The following RBKS variants were observed in gnomAD, a reference collection of about 807,000 sequenced individuals.
RBKS encodes the protein ribokinase.
Under a neutral mutation model 33.9 loss-of-function variants are expected in RBKS, and 33 were observed. The ratio of observed to expected loss-of-function variants is 0.97; its 90% CI spans 0.74 to 1.30. The LOEUF is 1.30. RBKS is among the 50% of genes most tolerant of loss of function. The pLI, the probability that RBKS is intolerant of heterozygous loss-of-function variation, is 0.00. For synonymous variants in RBKS, 125 were observed against 143.0 expected (o/e 0.87, Z 0.90); for missense variants, 361 against 392.6 (o/e 0.92, Z 0.68).
At chr2:27,805,764 G>A (rs997053096) in intron 7 of RBKS, among the ~76,000 whole-genome samples, 12 of 151,854 alleles carry the variant, frequency 7.9e-5, no homozygotes, top group African/African-American at 2.9e-4. Context: ...TAGTAGAGAC[G>A]GGGTTTCACC....
chr2:27,789,949 G>GTATATATATATATATATATATGTA (rs1677484796), intron 7 of RBKS, among the ~76,000 whole-genome samples: 1 of 121,512 alleles, frequency 8.2e-6, no homozygotes, highest in African/African-American at 3.3e-5. Flanking sequence ...ATGTATATGT[G>GTATATATATATATATATATATGTA]TATATATATA....
At chr2:27,782,149 T>C (rs1274702927) in intron 7 of RBKS, among the ~76,000 whole-genome samples, 1 of 151,920 alleles carries the variant, frequency 6.6e-6, no homozygotes, top group Non-Finnish European at 1.5e-5. Context: ...CATTCTTTGT[T>C]TTTGATGATT....
intron 4 of RBKS, among the ~76,000 whole-genome samples, chr2:27,846,730 C>A (rs1380679543): frequency 6.6e-6 from 1 of 152,108 alleles, no homozygotes; most frequent in East Asian, 1.9e-4. Context: ...CTTTTAGAGA[C>A]AAATGTCAAT....
At chr2:27,806,590 T>C (rs1185327518) in intron 7 of RBKS, among the ~76,000 whole-genome samples, 1 of 152,234 alleles carries the variant, frequency 6.6e-6, no homozygotes, top group Non-Finnish European at 1.5e-5. Context: ...GGCTAGGTGA[T>C]AGAACTGGAA....
At chr2:27,782,951 C>T (rs1677318152) in intron 7 of RBKS, among the ~76,000 whole-genome samples, 1 of 152,114 alleles carries the variant, frequency 6.6e-6, no homozygotes, top group African/African-American at 2.4e-5. Context: ...GGAGATTGGT[C>T]TCTTCCATTT....
In RBKS at chr2:27,867,640, C is replaced by G. The variant is rs1015949775; in HGVS notation, c.90-9069G>C. On this transcript the variant is annotated intron_variant, in intron 1 of 7. Coordinates refer to ENST00000302188, the MANE Select transcript of RBKS (RefSeq NM_022128.3). Reference sequence around the variant, plus strand: ...AAATTAAAATACTACCTAAGCTCAGCAAATCTTTTTGGATAATTATATATA... The same window carrying G: ...AAATTAAAATACTACCTAAGCTCAGGAAATCTTTTTGGATAATTATATATA... 2.0e-5 allele frequency among the ~76,000 whole-genome samples: 3 copies of G among 152,160 alleles called. No homozygotes were observed. In the South Asian group the frequency reaches 6.2e-4, roughly 32 times the overall value.
At chr2:27,848,120 A>G (rs1478862275) in intron 2 of RBKS, 23 bp from the exon 3 acceptor site, 1 of 1,337,974 alleles carries the variant, frequency 7.5e-7, no homozygotes, top group Non-Finnish European at 1.1e-6. Flanking sequence ...AATAATGAAT[A>G]TTAGATCTTT....
rs550986136 is a variant in RBKS, at chr2:27,803,048, T to G, written c.796-21260A>C. Among the ~76,000 whole-genome samples the G allele has an allele frequency of 3.9e-5, 6 of 152,316 alleles. No individual in the cohort carries two copies. The East Asian group carries it at 5.8e-4, about 15-fold the overall frequency. On this transcript the variant is annotated intron_variant, in intron 7 of 7. Coordinates refer to ENST00000302188, the MANE Select transcript of RBKS (RefSeq NM_022128.3). The stretch of plus-strand genomic sequence containing the variant: ...TCTCTCTTTGTTGCCCAGGCTGGTC[T>G]CAAACTCCTGGCCTCAAGTGATCCT...
intron 7 of RBKS, among the ~76,000 whole-genome samples, chr2:27,816,322 A>T (rs550080675): frequency 2.4e-4 from 36 of 152,344 alleles, no homozygotes; most frequent in Admixed American, 7.2e-4. Flanking sequence ...GGCATGACAG[A>T]TGTCTTGTGC....
At position 27,852,036 on chromosome 2, in the gene RBKS, C is replaced by T. The variant is rs541900404; in HGVS notation, c.223-3939G>A. Among the ~76,000 whole-genome samples, 4 of 152,256 alleles carry T rather than the reference C, an allele frequency of 2.6e-5. No homozygotes were observed. The East Asian group carries it at 7.7e-4, about 29-fold the overall frequency. On this transcript the variant is annotated intron_variant, in intron 2 of 7. Coordinates refer to ENST00000302188, the MANE Select transcript of RBKS (RefSeq NM_022128.3). ...ATAACCTGTCTGTGTTAACTTGTTC[C>T]ACGTGAAGGAAGCCAGGTCAAGAGC...
intron 2 of RBKS, among the ~76,000 whole-genome samples, chr2:27,852,391 T>G (rs1663768072): frequency 6.6e-6 from 1 of 152,166 alleles, no homozygotes; most frequent in African/African-American, 2.4e-5. Flanking sequence ...GCAAAAGGGC[T>G]GGGTGTATGA....
At chr2:27,865,280 A>G (rs990049517) in intron 1 of RBKS, among the ~76,000 whole-genome samples, 3 of 152,216 alleles carry the variant, frequency 2.0e-5, no homozygotes, top group African/African-American at 7.2e-5. Context: ...AGATCGCGCC[A>G]CTGAACTGCA....
intron 7 of RBKS, among the ~76,000 whole-genome samples, chr2:27,812,025 A>C (rs1256304383): frequency 6.6e-6 from 1 of 152,216 alleles, no homozygotes; most frequent in Non-Finnish European, 1.5e-5. Flanking sequence ...CTACCTTTTG[A>C]GAAGTGTTTG....
In RBKS at chr2:27,850,934, C is replaced by T. The variant is rs539180376; in HGVS notation, c.223-2837G>A. On this transcript the variant is annotated intron_variant, in intron 2 of 7. Transcript: ENST00000302188. ...TCCACATTCCTGCAAGGCAAACCACCTGGAACTGAGAGGTGAGTGCCTTAA... is the reference window on the plus strand; with the variant it reads ...TCCACATTCCTGCAAGGCAAACCACTTGGAACTGAGAGGTGAGTGCCTTAA... Among the ~76,000 whole-genome samples the T allele has an allele frequency of 6.6e-5, 10 of 152,342 alleles. No individual in the cohort carries two copies. The South Asian group carries it at 1.7e-3, about 25-fold the overall frequency.
At chr2:27,806,126 C>T (rs964679908) in intron 7 of RBKS, among the ~76,000 whole-genome samples, 5 of 152,054 alleles carry the variant, frequency 3.3e-5, no homozygotes, top group African/African-American at 7.2e-5. Flanking sequence ...TCAAACGATT[C>T]GCCCGCCTCG....
In RBKS at chr2:27,857,782, C is replaced by T. The variant is rs541385760; in HGVS notation, c.222+657G>A. ...TAAGTTATTTGAGAACTGCTACTTC[C>T]CAGAGGATTCAATGAGGTAGAAATT... On this transcript the variant is annotated intron_variant, in intron 2 of 7. Coordinates refer to ENST00000302188, the MANE Select transcript of RBKS (RefSeq NM_022128.3). Among the ~76,000 whole-genome samples the T allele has an allele frequency of 2.0e-5, 3 of 152,166 alleles. No homozygotes were observed. In the South Asian group the frequency reaches 6.2e-4, roughly 32 times the overall value.
intron 1 of RBKS, among the ~76,000 whole-genome samples, chr2:27,881,976 C>T (rs567834730): frequency 2.0e-5 from 3 of 152,294 alleles, no homozygotes; most frequent in South Asian, 4.1e-4. Flanking sequence ...GGAAGACAAC[C>T]TAGGCAATAC....
intron 7 of RBKS, among the ~76,000 whole-genome samples, chr2:27,824,963 C>T (rs935723329): frequency 2.6e-5 from 4 of 151,910 alleles, no homozygotes; most frequent in Admixed American, 2.6e-4. Flanking sequence ...ATGGCAAAAC[C>T]CTGTCTCTAC....
At chr2:27,797,922 G>A (rs1371755023) in intron 7 of RBKS, among the ~76,000 whole-genome samples, 1 of 152,170 alleles carries the variant, frequency 6.6e-6, no homozygotes, top group African/African-American at 2.4e-5. Context: ...GCTCAGAGAG[G>A]AGGATGTGAG....
Sources: allele counts gnomAD v4.1 joint callset (sites outside exome capture counted in the v4.1 genomes callset), GRCh38; gene constraint gnomAD v4.1.1; transcripts MANE v1.5; gene names NCBI Gene and HGNC (gene_info 2026-07-23, HGNC 2026-07-21).